Variants in ADGB observed in about 807,000 individuals in gnomAD.
ADGB encodes calpain-7-like protein.
In ADGB, 172 loss-of-function variants were observed where a neutral mutation model predicts 210.5. The ratio of observed to expected loss-of-function variants is 0.82; its 90% CI spans 0.72 to 0.93. The LOEUF is 0.93. Ranked by LOEUF, ADGB falls within the 40% of genes least tolerant of loss-of-function variation. ADGB has a pLI of 0.00. For synonymous variants in ADGB, 658 were observed against 662.7 expected, an observed-to-expected ratio of 0.99 and a Z score of 0.11; for missense variants, 2,025 against 1,964.8, an observed-to-expected ratio of 1.03 and a Z score of -0.58.
chr6:146,709,769 G>A (rs1776633487), intron 13 of ADGB, among the ~76,000 whole-genome samples: 1 of 152,176 alleles, frequency 6.6e-6, no homozygotes, highest in Non-Finnish European at 1.5e-5. Context: ...CTTCTCCCAA[G>A]TAGAGGGTAT....
At chr6:146,677,697 A>G (rs1289179828) in intron 9 of ADGB, among the ~76,000 whole-genome samples, 1 of 152,178 alleles carries the variant, frequency 6.6e-6, no homozygotes, top group African/African-American at 2.4e-5. Flanking sequence ...CTGAACTTAC[A>G]GTTAAGGTCA....
intron 22 of ADGB, among the ~76,000 whole-genome samples, chr6:146,734,765 C>T (rs1365145829): frequency 1.3e-5 from 2 of 151,912 alleles, no homozygotes; most frequent in Non-Finnish European, 2.9e-5. Flanking sequence ...TAAAAATTAG[C>T]CAGGCATGGT....
intron 35 of ADGB, among the ~76,000 whole-genome samples, chr6:146,811,298 C>T (rs1302597187): frequency 1.3e-5 from 2 of 152,020 alleles, no homozygotes; most frequent in Non-Finnish European, 2.9e-5. Context: ...TTTTTCTCAC[C>T]AAACAACACA....
At chr6:146,679,402 C>T (rs1776127815) in intron 9 of ADGB, among the ~76,000 whole-genome samples, 1 of 152,086 alleles carries the variant, frequency 6.6e-6, no homozygotes, top group South Asian at 2.1e-4. Context: ...ACAGATACAC[C>T]CATAAGTATC....
At position 146,801,968 on chromosome 6, in the gene ADGB, T is replaced by C. The variant is rs1216831262; in HGVS notation, c.4775T>C (p.Leu1592Ser). 7.7e-6 allele frequency: 12 copies of C among 1,550,164 alleles called. No individual in the cohort carries two copies. The highest frequency in any genetic ancestry group is 1.0e-5 in the Non-Finnish European group (12 of 1,146,414). Residue 1592 changes from leucine (L) to serine (S), a missense_variant, in exon 35 of 36, where the codon TTG (leucine) becomes TCG (serine). By Grantham distance (145) the Leu-to-Ser change is moderately radical. Transcript: ENST00000397944. ...SIRNIDQEERLKLKDEVLDMY... is the reference protein window; with the variant it reads ...SIRNIDQEERSKLKDEVLDMY... The stretch of plus-strand genomic sequence containing the variant: ...CGAAACATTGACCAAGAAGAGCGGT[T>C]GAAGTTAAAGGATGAAGTCCTGGAT...
Position 146,691,442 on chromosome 6 carries a change from A to AT in ADGB, c.1486+152_1486+153insT, listed in dbSNP as rs1491360806. ...TATATATATATATATATATATATAT[A>AT]AAAATATATATATATAAAAATATAT... is the stretch of plus-strand genomic sequence containing the variant. On this transcript the variant is annotated intron_variant, in intron 11 of 35. Transcript: ENST00000397944. Among the ~76,000 whole-genome samples, 67 of 54,954 alleles carry AT rather than the reference A, an allele frequency of 1.2e-3. 3 individuals carry two copies. The highest frequency in any genetic ancestry group is 6.1e-3 in the African/African-American group (34 of 5,558). 36.1% of individuals were successfully genotyped at this position (54,954 alleles called of 152,430 possible).
chr6:146,687,563 G>A (rs1236847974), intron 10 of ADGB, among the ~76,000 whole-genome samples: 2 of 151,826 alleles, frequency 1.3e-5, no homozygotes, highest in Non-Finnish European at 2.9e-5. Flanking sequence ...CAAACACCAC[G>A]TGTTCTCACT....
chr6:146,636,678 C>T (rs902820025), intron 2 of ADGB, among the ~76,000 whole-genome samples: 1 of 151,616 alleles, frequency 6.6e-6, no homozygotes, highest in African/African-American at 2.4e-5. Flanking sequence ...ACCTTACTTT[C>T]CACTTCCAGT....
chr6:146,740,630 T>C, intron 24 of ADGB, 37 bp downstream of exon 24: 1 of 1,536,684 alleles, frequency 6.5e-7, no homozygotes, highest in Non-Finnish European at 8.8e-7. Flanking sequence ...TGTCTCTAAA[T>C]GGCTTGCAAT....
chr6:146,769,131 G>C lies in ADGB; in HGVS notation c.3862G>C (p.Ala1288Pro), dbSNP rs780963720. The C allele has an allele frequency of 2.1e-5, 31 of 1,484,266 alleles. No homozygotes were observed. Among genetic ancestry groups the C allele is most frequent in the Non-Finnish European group, 2.7e-5 (30 of 1,094,020 alleles). The allele number at this position is 1,484,266 out of a possible 1,614,324, so 91.9% of individuals were successfully genotyped here. A position where few individuals can be genotyped will look rare whatever the true frequency, so the allele number is the denominator to read the frequency against. Reference protein sequence around the residue: ...LKDLKKSNTKAYGERHEELIN... With the variant: ...LKDLKKSNTKPYGERHEELIN... ...AGACTTAAAGAAAAGTAATACCAAAGGTATGTCACCCTAAATGTTTAAACA... is the reference window on the plus strand; with the variant it reads ...AGACTTAAAGAAAAGTAATACCAAACGTATGTCACCCTAAATGTTTAAACA... The change falls in exon 29 of 36, where the codon GCT becomes CCT. Residue 1288 changes from alanine (A) to proline (P), a missense_variant and splice_region_variant. By Grantham distance (27) the Ala-to-Pro change is conservative. Transcript: ENST00000397944.
chr6:146,718,033 C>T (rs778661527), intron 16 of ADGB, among the ~76,000 whole-genome samples: 1 of 152,064 alleles, frequency 6.6e-6, no homozygotes, highest in African/African-American at 2.4e-5. Flanking sequence ...CCCTGTTATC[C>T]TCATTGCTGT....
At chr6:146,810,444 T>C (rs1461700523) in intron 35 of ADGB, among the ~76,000 whole-genome samples, 3 of 152,166 alleles carry the variant, frequency 2.0e-5, no homozygotes, top group Non-Finnish European at 4.4e-5. Context: ...AGCAATCCCA[T>C]TCCTGGGTAT....
At chr6:146,766,187 C>T (rs1777571164) in intron 28 of ADGB, among the ~76,000 whole-genome samples, 1 of 151,700 alleles carries the variant, frequency 6.6e-6, no homozygotes, top group African/African-American at 2.4e-5. Context: ...CTTTGGGAGG[C>T]TGAGGCTGGT....
At chr6:146,622,989 T>G (rs373314403) in intron 1 of ADGB, among the ~76,000 whole-genome samples, 2 of 152,040 alleles carry the variant, frequency 1.3e-5, no homozygotes, top group East Asian at 3.9e-4. Context: ...GTTTTGTTAC[T>G]TTGTTGAAAA....
rs1016283602 is a variant in ADGB at position 146,701,019 on chromosome 6, T to C, written c.1656T>C (p.Thr552=). The C allele has an allele frequency of 1.9e-6, 3 of 1,551,046 alleles. No individual in the cohort carries two copies. The highest frequency in any genetic ancestry group is 2.6e-6 in the Non-Finnish European group (3 of 1,146,488). The change falls in exon 13 of 36, where the codon ACT becomes ACC. Residue 552 remains threonine (T), a synonymous_variant. Transcript: ENST00000397944. ...DLPSVSETDE[T]ATHSQTDLSQ... ...CTTCCGTCAGTGAAACTGATGAAACTGCAACACATAGCCAGACAGACTTGA... is the reference window on the plus strand; with the variant it reads ...CTTCCGTCAGTGAAACTGATGAAACCGCAACACATAGCCAGACAGACTTGA...
intron 1 of ADGB, among the ~76,000 whole-genome samples, chr6:146,618,596 A>G (rs899418177): frequency 6.6e-6 from 1 of 151,606 alleles, no homozygotes; most frequent in African/African-American, 2.4e-5. Context: ...TTCCTTTTTA[A>G]TTTCTTCAGT....
chr6:146,811,315 C>T (rs1168496223), intron 35 of ADGB, among the ~76,000 whole-genome samples: 1 of 152,122 alleles, frequency 6.6e-6, no homozygotes, highest in Admixed American at 6.6e-5. Flanking sequence ...CACAGAATCT[C>T]TTCAAGTCAC....
chr6:146,812,007 T>G (rs1778310630), intron 35 of ADGB, among the ~76,000 whole-genome samples: 1 of 152,170 alleles, frequency 6.6e-6, no homozygotes, highest in Admixed American at 6.5e-5. Flanking sequence ...TCTTTAAGCT[T>G]TTTCTATTTC....
intron 33 of ADGB, among the ~76,000 whole-genome samples, chr6:146,793,862 G>A (rs1324054778): frequency 6.6e-6 from 1 of 152,216 alleles, no homozygotes; most frequent in Non-Finnish European, 1.5e-5. Context: ...TTTCTCAGCA[G>A]TGAGGAGGTC....
Sources: gnomAD v4.1 joint callset for allele counts (sites outside exome capture counted in the v4.1 genomes callset) on GRCh38, gnomAD v4.1.1 for gene constraint, MANE v1.5 for transcripts, NCBI Gene and HGNC (gene_info 2026-07-23, HGNC 2026-07-21) for gene names.